The following SBF2 variants were observed in gnomAD, a reference collection of about 807,000 sequenced individuals.
The protein encoded by SBF2 is SET binding factor 2.
A neutral mutation model predicts 225.2 loss-of-function variants in SBF2; 112 were observed. The observed-to-expected ratio is 0.50, with a 90% confidence interval of 0.43 to 0.58. The LOEUF is 0.58. Ranked by LOEUF, SBF2 falls within the 20% of genes least tolerant of loss-of-function variation. SBF2 has a pLI of 0.00. For missense variants in SBF2, 1,996 were observed against 2,206.2 expected (o/e 0.90, Z 1.91); for synonymous variants, 763 against 773.3 (o/e 0.99, Z 0.22).
At chr11:10,299,166 G>T (rs1307530158), upstream of SBF2, among the ~76,000 whole-genome samples, 8 of 151,884 alleles carry the variant, frequency 5.3e-5, no homozygotes, top group Non-Finnish European at 1.2e-4. Flanking sequence ...GTGAAACCCT[G>T]TCTCTACTAA....
chr11:9,989,385 A>C (rs1007469835), intron 13 of SBF2, 112 bp downstream of exon 13: 1 of 655,982 alleles, frequency 1.5e-6, no homozygotes. Context: ...CTCACAAATC[A>C]ACACTAAAGA....
At chr11:10,005,312 C>T (rs757803725) in intron 6 of SBF2, among the ~76,000 whole-genome samples, 6 of 152,178 alleles carry the variant, frequency 3.9e-5, no homozygotes, top group Non-Finnish European at 7.4e-5. Context: ...CCAGTAAACA[C>T]ACTGCACATG....
At chr11:10,233,546 A>AATATAT (rs370611755) in intron 1 of SBF2, among the ~76,000 whole-genome samples, 3 of 150,136 alleles carry the variant, frequency 2.0e-5, no homozygotes, top group South Asian at 2.1e-4. Flanking sequence ...ATCCTAACCA[A>AATATAT]ATATATATAT....
At chr11:9,916,076 A>C (rs900546584) in intron 16 of SBF2, among the ~76,000 whole-genome samples, 4 of 152,192 alleles carry the variant, frequency 2.6e-5, no homozygotes, top group Non-Finnish European at 5.9e-5. Context: ...AAAACAGACA[A>C]ACAAAAAAAC....
At chr11:10,287,491 G>T (rs575788869) in intron 1 of SBF2, among the ~76,000 whole-genome samples, 1 of 152,090 alleles carries the variant, frequency 6.6e-6, no homozygotes, top group African/African-American at 2.4e-5. Context: ...GCACAGGCTG[G>T]TCTCAAACTC....
chr11:10,036,029 A>T (rs1326081761), intron 3 of SBF2, among the ~76,000 whole-genome samples: 1 of 152,214 alleles, frequency 6.6e-6, no homozygotes, highest in Non-Finnish European at 1.5e-5. Flanking sequence ...CACCAATAAT[A>T]GATCGGATTA....
intron 2 of SBF2, among the ~76,000 whole-genome samples, chr11:10,081,221 G>A: frequency 6.6e-6 from 1 of 152,208 alleles, no homozygotes; most frequent in Admixed American, 6.5e-5. Context: ...ATCATACCAA[G>A]TATCTTCTTG....
intron 27 of SBF2, chr11:9,829,762 C>A (rs1223024809): frequency 4.7e-6 from 2 of 428,944 alleles, no homozygotes; most frequent in Non-Finnish European, 4.3e-6. Context: ...GGAAAACCAG[C>A]ACAGGGCTAC....
intron 1 of SBF2, among the ~76,000 whole-genome samples, chr11:10,240,572 G>A (rs1959194541): frequency 5.3e-5 from 8 of 152,140 alleles, no homozygotes; most frequent in Admixed American, 5.2e-4. Flanking sequence ...CTTTGAGTTT[G>A]GTGGTATGAC....
At chr11:10,204,230 A>T (rs886129855) in intron 1 of SBF2, among the ~76,000 whole-genome samples, 13 of 148,188 alleles carry the variant, frequency 8.8e-5, no homozygotes, top group Non-Finnish European at 1.6e-4. Context: ...CATCTTTAAA[A>T]TACTGAAAGC....
At chr11:10,160,691 A>G (rs1440317855) in intron 2 of SBF2, among the ~76,000 whole-genome samples, 1 of 152,188 alleles carries the variant, frequency 6.6e-6, no homozygotes, top group East Asian at 1.9e-4. Context: ...AAATGTCTTT[A>G]ATGATATTCT....
At chr11:9,932,957 CAAA>C (rs574177096) in intron 16 of SBF2, among the ~76,000 whole-genome samples, 3,229 of 57,104 alleles carry the variant, frequency 0.057, 24 homozygotes, top group East Asian at 0.23. Flanking sequence ...AAACGAAAAG[CAAA>C]AAAAAAAAAA....
intron 6 of SBF2, among the ~76,000 whole-genome samples, chr11:10,021,508 G>A (rs949212887): frequency 6.6e-6 from 1 of 151,998 alleles, no homozygotes. Context: ...AGATGAAGGC[G>A]ATCAAGAGGA....
intron 17 of SBF2, among the ~76,000 whole-genome samples, chr11:9,861,773 G>T (rs1221524680): frequency 6.6e-6 from 1 of 152,116 alleles, no homozygotes; most frequent in Non-Finnish European, 1.5e-5. Context: ...CTTCCAAAGT[G>T]CTGGGATAGG....
chr11:10,130,662 T>C (rs1953998804), intron 2 of SBF2, among the ~76,000 whole-genome samples: 1 of 152,174 alleles, frequency 6.6e-6, no homozygotes, highest in Non-Finnish European at 1.5e-5. Context: ...ATAAAGAGCT[T>C]CCTCATGCTA....
intron 15 of SBF2, among the ~76,000 whole-genome samples, chr11:9,962,646 A>G (rs529128463): frequency 2.1e-4 from 32 of 152,340 alleles, no homozygotes; most frequent in African/African-American, 7.5e-4. Context: ...GCAAAAACAG[A>G]TATCTCTAGG....
At chr11:10,150,178 C>A (rs144886343) in intron 2 of SBF2, among the ~76,000 whole-genome samples, 1 of 152,224 alleles carries the variant, frequency 6.6e-6, no homozygotes, top group Non-Finnish European at 1.5e-5. Context: ...TTCAAGCAGA[C>A]CCTTCTCAGC....
chr11:9,883,214 A>G (rs935913699), intron 17 of SBF2, among the ~76,000 whole-genome samples: 1 of 152,212 alleles, frequency 6.6e-6, no homozygotes, highest in African/African-American at 2.4e-5. Context: ...AAAGATCTGC[A>G]TAATAATGGC....
chr11:10,282,274 C>T (rs1565432886), intron 1 of SBF2, among the ~76,000 whole-genome samples: 1 of 152,030 alleles, frequency 6.6e-6, no homozygotes, highest in Non-Finnish European at 1.5e-5. Flanking sequence ...TCCAGGCTGC[C>T]ACTGCTTTAT....
Sources: gnomAD v4.1 joint callset for allele counts (sites outside exome capture counted in the v4.1 genomes callset) on GRCh38, gnomAD v4.1.1 for gene constraint, MANE v1.5 for transcripts, NCBI Gene and HGNC (gene_info 2026-07-23, HGNC 2026-07-21) for gene names.